Variants in TRIO observed in about 807,000 individuals in gnomAD.
The protein encoded by TRIO is triple functional domain protein.
Under a neutral mutation model 351.9 loss-of-function variants are expected in TRIO, and 58 were observed. That is an observed-to-expected ratio of 0.16 (90% confidence interval 0.13 to 0.21). TRIO has a LOEUF of 0.21. Among genes scored for constraint, TRIO ranks in the 10% least tolerant of loss-of-function variants. The pLI is 1.00. For missense variants in TRIO, 3,201 were observed against 4,027.8 expected (o/e 0.79, Z 5.56); for synonymous variants, 1,758 against 1,595.7 (o/e 1.10, Z -2.42).
intron 49 of TRIO, among the ~76,000 whole-genome samples, chr5:14,495,263 T>G (rs140105442): frequency 2.9e-3 from 435 of 152,300 alleles, no homozygotes; most frequent in African/African-American, 9.8e-3. Context: ...TGGAGCTGCT[T>G]CTTAGGGGTG....
At chr5:14,441,728 T>A (rs1752066319) in intron 34 of TRIO, among the ~76,000 whole-genome samples, 1 of 152,246 alleles carries the variant, frequency 6.6e-6, no homozygotes, top group South Asian at 2.1e-4. Context: ...TATGTCTGTT[T>A]CAGGTTTAAT....
chr5:14,272,827 A>C (rs30618), intron 2 of TRIO, among the ~76,000 whole-genome samples: 20,937 of 152,250 alleles, frequency 0.14, 1,955 homozygotes, highest in East Asian at 0.39. Flanking sequence ...GGAGGGAAAA[A>C]AACCATAAAA....
chr5:14,387,608 G>A lies in TRIO; in HGVS notation c.3741G>A (p.Gly1247=). The A allele has an allele frequency of 6.2e-7, 1 of 1,612,366 alleles. No homozygotes were observed. The highest frequency in any genetic ancestry group is 8.5e-7 in the Non-Finnish European group (1 of 1,178,852). The change falls in exon 22 of 57, where the codon GGG becomes GGA. Residue 1247 remains glycine, a synonymous_variant. Transcript: ENST00000344204. ...KYRTSLEKAL[G]ISSDSNKSSK... ...GGACCTCTTTGGAAAAAGCCCTGGG[G>A]ATTTCTTCAGATTCCAACAAATCGG...
chr5:14,266,069 T>C (rs1022420010), intron 1 of TRIO, among the ~76,000 whole-genome samples: 1 of 152,068 alleles, frequency 6.6e-6, no homozygotes, highest in Non-Finnish European at 1.5e-5. Flanking sequence ...CTTTTCCTTT[T>C]CTTTTTTTTT....
At position 14,221,290 on chromosome 5, in the gene TRIO, T is replaced by G. The variant is rs559072849; in HGVS notation, c.158-49535T>G. Among the ~76,000 whole-genome samples the G allele has an allele frequency of 3.3e-5, 5 of 152,214 alleles. No homozygotes were observed. The South Asian group carries it at 1.0e-3, about 32-fold the overall frequency. On this transcript the variant is annotated intron_variant, in intron 1 of 56. Coordinates refer to ENST00000344204, the MANE Select transcript of TRIO (RefSeq NM_007118.4). Reference sequence around the variant, plus strand: ...ACACCTAGTCACCCAAGAGCTCTTGTGTAGATGTATAAGAAGATTAATGTT... The same window carrying G: ...ACACCTAGTCACCCAAGAGCTCTTGGGTAGATGTATAAGAAGATTAATGTT...
intron 8 of TRIO, among the ~76,000 whole-genome samples, chr5:14,312,699 C>T (rs1186680031): frequency 6.6e-6 from 1 of 152,192 alleles, no homozygotes; most frequent in Non-Finnish European, 1.5e-5. Context: ...ATTCACTCAC[C>T]TGGTTCAGTA....
In TRIO at chr5:14,488,034, G is replaced by T. The variant is rs1456850463; in HGVS notation, c.7406G>T (p.Gly2469Val). 6.2e-7 allele frequency: 1 copy of T among 1,604,132 alleles called. No homozygotes were observed. Among genetic ancestry groups the T allele is most frequent in the Non-Finnish European group, 8.5e-7 (1 of 1,176,524 alleles). The change falls in exon 48 of 57, where the codon GGC becomes GTC. Residue 2469 changes from glycine to valine, a missense_variant. This residue lies in a region of TRIO where 1,089 missense variants were observed against 954.9 expected (regional missense o/e 1.14). Transcript: ENST00000344204. ...CTCTCCAGCGCGGTCCCTTCTCTCG[G>T]CAAGGAGCCCTTCCCCCCCAGCAGC... is the stretch of plus-strand genomic sequence containing the variant. Reference protein sequence around the residue: ...SPLSSAVPSLGKEPFPPSSPL... With the variant: ...SPLSSAVPSLVKEPFPPSSPL...
chr5:14,387,885 A>G (rs746435963), intron 23 of TRIO, 38 bp downstream of exon 23: 3 of 1,590,602 alleles, frequency 1.9e-6, no homozygotes, highest in Non-Finnish European at 2.6e-6. Flanking sequence ...GATTCACTGG[A>G]AAAGTGAAGA....
intron 6 of TRIO, among the ~76,000 whole-genome samples, chr5:14,295,479 C>A (rs1020814832): frequency 3.3e-5 from 5 of 152,158 alleles, no homozygotes; most frequent in Non-Finnish European, 7.3e-5. Context: ...ATAAAAGTGA[C>A]ACAGGAAGCT....
chr5:14,503,876 C>T (rs565749474), intron 54 of TRIO, among the ~76,000 whole-genome samples: 1 of 152,258 alleles, frequency 6.6e-6, no homozygotes. Context: ...TCGTCCAGAT[C>T]GCGTTGAGTT....
At position 14,394,062 on chromosome 5, in the gene TRIO, G is replaced by A. The variant is rs141536428; in HGVS notation, c.4243G>A (p.Ala1415Thr). 1.9e-6 allele frequency: 3 copies of A among 1,613,054 alleles called. No individual in the cohort carries two copies. Among genetic ancestry groups the A allele is most frequent in the African/African-American group, 2.7e-5 (2 of 74,868 alleles). ...GGAGATACAGCAGCGACATGGATTA[G>A]CCAATTCCATTTCTTCCTACCTTAT... is the stretch of plus-strand genomic sequence containing the variant. The part of the protein sequence containing the change: ...FDEIQQRHGL[A>T]NSISSYLIKP... Residue 1415 changes from alanine (A) to threonine (T), a missense_variant, in exon 28 of 57, where the codon GCC (alanine) becomes ACC (threonine). Physicochemically the swap from Ala to Thr is moderately conservative, Grantham distance 58 (BLOSUM62 0). Coordinates refer to ENST00000344204, the MANE Select transcript of TRIO (RefSeq NM_007118.4).
intron 34 of TRIO, among the ~76,000 whole-genome samples, chr5:14,457,516 G>T (rs1753443863): frequency 6.6e-6 from 1 of 152,162 alleles, no homozygotes; most frequent in East Asian, 1.9e-4. Flanking sequence ...ATCCCTTGCA[G>T]CTGAGCCCAC....
At chr5:14,256,490 C>G (rs1439516868) in intron 1 of TRIO, among the ~76,000 whole-genome samples, 2 of 152,118 alleles carry the variant, frequency 1.3e-5, no homozygotes, top group East Asian at 3.8e-4. Context: ...ATGGGGAAGG[C>G]TTCTAGGGGA....
At chr5:14,249,038 T>TC (rs1318078757) in intron 1 of TRIO, among the ~76,000 whole-genome samples, 1 of 152,172 alleles carries the variant, frequency 6.6e-6, no homozygotes, top group Admixed American at 6.5e-5. Context: ...TGTACATAGT[T>TC]CCTGCCTGAG....
In TRIO at chr5:14,286,721, G is replaced by A. The variant is rs1219458362; in HGVS notation, c.348-150G>A. ...CCTTTATGGTACAAGGGAGGGACGA[G>A]AAGGAGCTGAGCACAGTGTGCTCCT... On this transcript the variant is annotated intron_variant, in intron 3 of 56. Transcript: ENST00000344204. The surrounding 1 kb of genome is among the most constrained non-coding windows in gnomAD (Gnocchi z 4.4). 2.8e-6 allele frequency: 2 copies of A among 711,742 alleles called. No individual in the cohort carries two copies. The highest frequency in any genetic ancestry group is 3.0e-5 in the Admixed American group (1 of 33,204). The allele number at this position is 711,742 out of a possible 1,614,324, so 44.1% of individuals were successfully genotyped here.
intron 1 of TRIO, among the ~76,000 whole-genome samples, chr5:14,200,383 C>T (rs1024410745): frequency 1.3e-5 from 2 of 152,206 alleles, no homozygotes; most frequent in African/African-American, 4.8e-5. Context: ...TCTGTAATTG[C>T]GCTTGTCGCT....
intron 9 of TRIO, among the ~76,000 whole-genome samples, chr5:14,321,668 A>C (rs1006691463): frequency 6.6e-6 from 1 of 152,210 alleles, no homozygotes; most frequent in African/African-American, 2.4e-5. Context: ...GAACCTGGTT[A>C]GGTTCCCTTG....
At chr5:14,417,118 A>G (rs1435293366) in intron 33 of TRIO, among the ~76,000 whole-genome samples, 1 of 152,226 alleles carries the variant, frequency 6.6e-6, no homozygotes, top group Non-Finnish European at 1.5e-5. Flanking sequence ...TGGTTCTACA[A>G]GGAGAGTTCT....
chr5:14,172,334 C>T (rs1000626683), intron 1 of TRIO, among the ~76,000 whole-genome samples: 3 of 152,178 alleles, frequency 2.0e-5, no homozygotes, highest in Admixed American at 6.5e-5. Context: ...ACAAATCTAG[C>T]GTCTTGGTTG....
Sources: allele counts gnomAD v4.1 joint callset (sites outside exome capture counted in the v4.1 genomes callset), GRCh38; gene constraint gnomAD v4.1.1; regional missense constraint gnomAD v4.1.1; non-coding constraint Gnocchi (gnomAD v3.1); transcripts MANE v1.5; gene names NCBI Gene and HGNC (gene_info 2026-07-23, HGNC 2026-07-21).